The following CD46 variants were observed in gnomAD, a reference collection of about 807,000 sequenced individuals.
CD46 encodes the protein membrane cofactor protein.
A neutral mutation model predicts 53.3 loss-of-function variants in CD46; 30 were observed. The ratio of observed to expected loss-of-function variants is 0.56; its 90% CI spans 0.42 to 0.76. The LOEUF is 0.76. CD46 is among the 30% of genes least tolerant of loss of function. The probability of loss-of-function intolerance (pLI) is 0.00; values close to 1 mark genes in which losing one functional copy is unlikely to be tolerated. For synonymous variants in CD46, 142 were observed against 152.0 expected, an observed-to-expected ratio of 0.93 and a Z score of 0.48; for missense variants, 409 against 463.0, an observed-to-expected ratio of 0.88 and a Z score of 1.07.
intron 8 of CD46, among the ~76,000 whole-genome samples, chr1:207,770,792 C>T (rs900769001): frequency 6.6e-6 from 1 of 152,192 alleles, no homozygotes; most frequent in Non-Finnish European, 1.5e-5. Flanking sequence ...TTTCTTAATC[C>T]AGTCTATCAT....
At chr1:207,766,962 T>C in intron 5 of CD46, 51 bp from the exon 6 acceptor site, 1 of 1,459,482 alleles carries the variant, frequency 6.9e-7, no homozygotes, top group Non-Finnish European at 9.6e-7. Context: ...TGTACTACTT[T>C]TTCTGCTAAA....
chr1:207,755,128 A>AACAC (rs536402118), intron 1 of CD46, among the ~76,000 whole-genome samples: 65 of 152,102 alleles, frequency 4.3e-4, no homozygotes, highest in African/African-American at 1.3e-3. Context: ...AACAAAACAA[A>AACAC]ACACACACAC....
intron 5 of CD46, among the ~76,000 whole-genome samples, chr1:207,762,086 A>G (rs1351056086): frequency 6.6e-6 from 1 of 152,240 alleles, no homozygotes; most frequent in Non-Finnish European, 1.5e-5. Flanking sequence ...ATGCATTATC[A>G]CAATAGAATG....
chr1:207,759,975 C>A (rs199678594), intron 4 of CD46: 5 of 358,040 alleles, frequency 1.4e-5, no homozygotes, highest in Non-Finnish European at 2.6e-5. Flanking sequence ...TGCAGTGGCA[C>A]AATCTCAGCT....
At position 207,793,639 on chromosome 1, in the gene CD46, A is replaced by G; in HGVS notation, c.*162A>G. 6.9e-7 allele frequency: 1 copy of G among 1,444,306 alleles called. No individual in the cohort carries two copies. The highest frequency in any genetic ancestry group is 9.7e-7 in the Non-Finnish European group (1 of 1,026,040). The allele number at this position is 1,444,306 out of a possible 1,614,324, so 89.5% of individuals were successfully genotyped here. ...CCAGTTCATCTTTTGACTCTATTAA[A>G]ATCTTCAATAGTTGTTATTCTGTAG... On this transcript the variant is annotated 3_prime_UTR_variant, in exon 13 of 13. Coordinates refer to ENST00000367042, the MANE Select transcript of CD46 (RefSeq NM_172351.3).
chr1:207,761,013 A>G (rs548041657), intron 4 of CD46: 20 of 501,054 alleles, frequency 4.0e-5, no homozygotes, highest in African/African-American at 3.7e-4. Flanking sequence ...TCCAAACCAT[A>G]TCAATAGGTA....
At chr1:207,779,637 A>G (rs888800453) in intron 8 of CD46, among the ~76,000 whole-genome samples, 1 of 152,134 alleles carries the variant, frequency 6.6e-6, no homozygotes, top group African/African-American at 2.4e-5. Flanking sequence ...AATTGTATGA[A>G]GATTTCAACC....
intron 6 of CD46, 132 bp from the exon 7 acceptor site, chr1:207,767,647 T>C: frequency 1.2e-6 from 2 of 1,613,044 alleles, no homozygotes; most frequent in Non-Finnish European, 1.7e-6. Flanking sequence ...CTTTGAGTCA[T>C]TCAGGTTTAG....
In CD46 at chr1:207,752,147, CT is replaced by C; in HGVS notation, c.-65del. ...ATATCTGGACCCAGAAGGGACTTCCCTGCTCGGCTGGCTCTCGGTTTCTCTG... is the reference window on the plus strand; with the variant it reads ...ATATCTGGACCCAGAAGGGACTTCCCGCTCGGCTGGCTCTCGGTTTCTCTG... On this transcript the variant is annotated 5_prime_UTR_variant, in exon 1 of 13. It removes the in-frame stop codon of an upstream open reading frame in the 5' UTR. Transcript: ENST00000367042. This position sits in a 1 kb window ranked among gnomAD's most constrained non-coding sequence, Gnocchi z 4.1. The C allele has an allele frequency of 6.8e-7, 1 of 1,462,400 alleles. No homozygotes were observed. The allele number at this position is 1,462,400 out of a possible 1,614,324, so 90.6% of individuals were successfully genotyped here.
intron 12 of CD46, among the ~76,000 whole-genome samples, chr1:207,792,440 G>A (rs945109393): frequency 1.3e-5 from 2 of 152,166 alleles, no homozygotes; most frequent in Non-Finnish European, 2.9e-5. Flanking sequence ...GGCCTCCCCG[G>A]CAAAGAAGAA....
chr1:207,756,990 A>G (rs1158942857), intron 1 of CD46, 24 bp from the exon 2 acceptor site: 10 of 1,597,564 alleles, frequency 6.3e-6, no homozygotes, highest in Admixed American at 1.7e-5. Context: ...CTTCATCTTC[A>G]TGTTCCTATT....
At chr1:207,791,607 G>C (rs543956140) in intron 12 of CD46, among the ~76,000 whole-genome samples, 1 of 152,198 alleles carries the variant, frequency 6.6e-6, no homozygotes, top group Non-Finnish European at 1.5e-5. Context: ...AATCTAAAAC[G>C]TAGTTCTGTA....
intron 8 of CD46, among the ~76,000 whole-genome samples, chr1:207,780,457 A>ACTT (rs1260425818): frequency 6.6e-6 from 1 of 152,134 alleles, no homozygotes; most frequent in African/African-American, 2.4e-5. Context: ...GTTGCTAGAC[A>ACTT]CTTGGGTTGG....
At chr1:207,776,269 A>G (rs759173549) in intron 8 of CD46, among the ~76,000 whole-genome samples, 6 of 152,230 alleles carry the variant, frequency 3.9e-5, no homozygotes, top group Non-Finnish European at 8.8e-5. Flanking sequence ...TTCTCCAGGT[A>G]CAGTCTGTCA....
chr1:207,779,717 G>A (rs1266819362), intron 8 of CD46, among the ~76,000 whole-genome samples: 2 of 151,932 alleles, frequency 1.3e-5, no homozygotes, highest in Non-Finnish European at 2.9e-5. Flanking sequence ...TGTATATAAT[G>A]AGATATATGG....
intron 8 of CD46, among the ~76,000 whole-genome samples, chr1:207,776,435 G>A (rs1187330794): frequency 1.3e-5 from 2 of 152,176 alleles, no homozygotes; most frequent in Non-Finnish European, 2.9e-5. Context: ...CCTGTCTTCT[G>A]CATCTATCTC....
chr1:207,783,409 A>C (rs1309929979), intron 9 of CD46, 79 bp downstream of exon 9: 3 of 828,602 alleles, frequency 3.6e-6, no homozygotes, highest in Non-Finnish European at 6.4e-6. Context: ...TGAGGTGCCC[A>C]AACATAGGAT....
At chr1:207,779,911 G>GTTTTTTTTTTTTTTTTT (rs1163376440) in intron 8 of CD46, among the ~76,000 whole-genome samples, 11 of 25,764 alleles carry the variant, frequency 4.3e-4, no homozygotes, top group Non-Finnish European at 5.7e-4. Context: ...GCAAAAGCAA[G>GTTTTTTTTTTTTTTTTT]TCTTTTTTTT....
chr1:207,756,760 A>G (rs1480671678), intron 1 of CD46, among the ~76,000 whole-genome samples: 1 of 152,258 alleles, frequency 6.6e-6, no homozygotes, highest in South Asian at 2.1e-4. Flanking sequence ...CAAAGACATT[A>G]ATGCTGTCTC....
Sources: gnomAD v4.1 joint callset for allele counts (sites outside exome capture counted in the v4.1 genomes callset) on GRCh38, gnomAD v4.1.1 for gene constraint, Gnocchi (gnomAD v3.1) non-coding constraint, MANE v1.5 for transcripts, NCBI Gene and HGNC (gene_info 2026-07-23, HGNC 2026-07-21) for gene names.